Variants in NINJ2 observed in about 807,000 individuals in gnomAD.
The protein encoded by NINJ2 is ninjurin-2.
A neutral mutation model predicts 11.7 loss-of-function variants in NINJ2; 12 were observed. That is an observed-to-expected ratio of 1.02 (90% CI 0.66 to 1.66). The LOEUF is 1.66. Among genes scored for constraint, NINJ2 ranks in the 40% most tolerant of loss-of-function variants. NINJ2 has a pLI of 0.00. For synonymous variants in NINJ2, 93 were observed against 76.8 expected (o/e 1.21, Z -1.10); for missense variants, 187 against 181.8 (o/e 1.03, Z -0.16).
chr12:574,913 A>G (rs151318434), intron 1 of NINJ2, among the ~76,000 whole-genome samples: 1 of 152,368 alleles, frequency 6.6e-6, no homozygotes, highest in Non-Finnish European at 1.5e-5. Context: ...TGTTAGAAAG[A>G]TCAATAGGAT....
At chr12:659,001 C>G (rs1937916954) in intron 1 of NINJ2, among the ~76,000 whole-genome samples, 1 of 149,616 alleles carries the variant, frequency 6.7e-6, no homozygotes, top group Non-Finnish European at 1.5e-5. Flanking sequence ...ACTGCTATTA[C>G]ATATATAGTT....
intron 1 of NINJ2, among the ~76,000 whole-genome samples, chr12:609,563 A>C (rs890991099): frequency 6.6e-6 from 1 of 152,014 alleles, no homozygotes; most frequent in Non-Finnish European, 1.5e-5. Flanking sequence ...AGGTCAGGAG[A>C]TCGAGACCAT....
chr12:636,269 G>A lies in NINJ2; in HGVS notation c.33+27059C>T, dbSNP rs562692248. Reference sequence around the variant, plus strand: ...CACGTGCCTGTAATCCAAGCTACTCGGGAGGCTGAGGCAGAAGAATCACTT... The same window carrying A: ...CACGTGCCTGTAATCCAAGCTACTCAGGAGGCTGAGGCAGAAGAATCACTT... On this transcript the variant is annotated intron_variant, in intron 1 of 3. Transcript: ENST00000305108. Among the ~76,000 whole-genome samples the A allele has an allele frequency of 9.4e-4, 142 of 151,762 alleles. 3 individuals are homozygous for A. In the South Asian group the frequency reaches 0.028, roughly 30 times the overall value.
At position 654,753 on chromosome 12, in the gene NINJ2, G is replaced by A. The variant is rs572228030; in HGVS notation, c.33+8575C>T. Among the ~76,000 whole-genome samples, 15 of 151,840 alleles carry A rather than the reference G, an allele frequency of 9.9e-5. No homozygotes were observed. The South Asian group carries it at 1.7e-3, about 17-fold the overall frequency. Reference sequence around the variant, plus strand: ...ACTAAAAATACAAAATTAGTCGGGCGTGGTGACACCCGCCTGTAATCTCAG... The same window carrying A: ...ACTAAAAATACAAAATTAGTCGGGCATGGTGACACCCGCCTGTAATCTCAG... On this transcript the variant is annotated intron_variant, in intron 1 of 3. Transcript: ENST00000305108.
chr12:637,908 G>A (rs1948372209), intron 1 of NINJ2, among the ~76,000 whole-genome samples: 1 of 152,202 alleles, frequency 6.6e-6, no homozygotes, highest in Admixed American at 6.5e-5. Flanking sequence ...AACCCTGTGA[G>A]TTCTTCCCAA....
intron 1 of NINJ2, among the ~76,000 whole-genome samples, chr12:607,588 C>A (rs1445070130): frequency 6.6e-6 from 1 of 152,176 alleles, no homozygotes; most frequent in Non-Finnish European, 1.5e-5. Flanking sequence ...ATTAAGAAAA[C>A]CCTTCTCAGG....
intron 1 of NINJ2, among the ~76,000 whole-genome samples, chr12:634,903 C>A (rs994664767): frequency 6.6e-6 from 1 of 152,212 alleles, no homozygotes; most frequent in Admixed American, 6.5e-5. Flanking sequence ...TTGGAAGAAA[C>A]CATACACTTC....
intron 1 of NINJ2, among the ~76,000 whole-genome samples, chr12:642,513 C>T (rs1948432428): frequency 6.6e-6 from 1 of 152,238 alleles, no homozygotes; most frequent in Non-Finnish European, 1.5e-5. Flanking sequence ...CCGGCGTGAG[C>T]CACCGCGCCC....
intron 1 of NINJ2, among the ~76,000 whole-genome samples, chr12:613,998 A>G (rs1180809568): frequency 1.3e-5 from 2 of 152,218 alleles, no homozygotes; most frequent in Non-Finnish European, 1.5e-5. Flanking sequence ...TACCTCCACC[A>G]TGTGCCAGGC....
chr12:622,992 A>T (rs1413583216), intron 1 of NINJ2, among the ~76,000 whole-genome samples: 1 of 152,148 alleles, frequency 6.6e-6, no homozygotes, highest in East Asian at 1.9e-4. Context: ...TAAAAGTCCC[A>T]TGGAACTTGT....
At chr12:606,623 A>G (rs2120925183) in intron 1 of NINJ2, among the ~76,000 whole-genome samples, 1 of 152,334 alleles carries the variant, frequency 6.6e-6, no homozygotes, top group African/African-American at 2.4e-5. Flanking sequence ...TCCAGAGGAC[A>G]GAGGAGTGAA....
rs1209670565 is a variant in NINJ2 at position 611,255 on chromosome 12, CTCTT to C, written c.34-45081_34-45078del. On this transcript the variant is annotated intron_variant, in intron 1 of 3. Transcript: ENST00000305108. ...TCTTTCTTTCTTTCTTTCTCTCTCT[CTCTT>C]TCTTTCTTTCTTTCTCTCTCTCTTT... Among the ~76,000 whole-genome samples the C allele has an allele frequency of 1.3e-3, 94 of 71,336 alleles. No homozygotes were observed. In the Middle Eastern group the frequency reaches 0.024, roughly 19 times the overall value. The allele number at this position is 71,336 out of a possible 152,430, so 46.8% of individuals were successfully genotyped here. A position where few individuals can be genotyped will look rare whatever the true frequency, so the allele number is the denominator to read the frequency against.
chr12:630,656 C>A (rs1948268667), intron 1 of NINJ2, among the ~76,000 whole-genome samples: 1 of 152,220 alleles, frequency 6.6e-6, no homozygotes, highest in African/African-American at 2.4e-5. Context: ...GGATCACAGG[C>A]GTGAGCCACC....
rs1279823245 is a variant in NINJ2, at chr12:614,094, G to T, written c.34-47916C>A. On this transcript the variant is annotated intron_variant, in intron 1 of 3. Transcript: ENST00000305108. This position sits in a 1 kb window ranked among gnomAD's most constrained non-coding sequence, Gnocchi z 5.1. ...ATGTGGGGTGGAGAAAGGCCAAGCAGCTTGTCCATAGCACGTGGCTAGTAA... is the reference window on the plus strand; with the variant it reads ...ATGTGGGGTGGAGAAAGGCCAAGCATCTTGTCCATAGCACGTGGCTAGTAA... Among the ~76,000 whole-genome samples, 1 of 152,092 alleles carries T rather than the reference G, an allele frequency of 6.6e-6. No individual in the cohort carries two copies. Among genetic ancestry groups the T allele is most frequent in the African/African-American group, 2.4e-5 (1 of 41,422 alleles).
intron 1 of NINJ2, among the ~76,000 whole-genome samples, chr12:629,896 A>AAAAAAAAAAT: frequency 1.9e-3 from 19 of 9,900 alleles, no homozygotes; most frequent in Admixed American, 2.9e-3. Context: ...AAAAAAAAAA[A>AAAAAAAAAAT]ATATATATAT....
At chr12:624,086 T>A (rs557545228) in intron 1 of NINJ2, among the ~76,000 whole-genome samples, 166 of 152,268 alleles carry the variant, frequency 1.1e-3, no homozygotes, top group Non-Finnish European at 1.9e-3. Flanking sequence ...AATTCATTGC[T>A]ATTACAGCCC....
intron 1 of NINJ2, among the ~76,000 whole-genome samples, chr12:649,055 C>CT (rs560127010): frequency 0.042 from 5,632 of 135,236 alleles, 184 homozygotes; most frequent in Middle Eastern, 0.076. Context: ...TTATCTTTTT[C>CT]TTTTTTTTTT....
chr12:594,071 A>G (rs1355102462), intron 1 of NINJ2, among the ~76,000 whole-genome samples: 1 of 152,228 alleles, frequency 6.6e-6, no homozygotes, highest in East Asian at 1.9e-4. Flanking sequence ...TTTCAACATC[A>G]TACTGGAACT....
At chr12:565,801 G>T in intron 2 of NINJ2, 149 bp downstream of exon 2, 2 of 752,318 alleles carry the variant, frequency 2.7e-6, no homozygotes, top group Non-Finnish European at 2.3e-6. Context: ...TTGGTCTTTG[G>T]GCCTCTGTTA....
Sources: gnomAD v4.1 joint callset for allele counts (sites outside exome capture counted in the v4.1 genomes callset) on GRCh38, gnomAD v4.1.1 for gene constraint, Gnocchi (gnomAD v3.1) non-coding constraint, MANE v1.5 for transcripts, NCBI Gene and HGNC (gene_info 2026-07-23, HGNC 2026-07-21) for gene names.